Variants in ZNF532 observed in about 807,000 individuals in gnomAD.
ZNF532 encodes zinc finger protein 532.
In ZNF532, 22 loss-of-function variants were observed where a neutral mutation model predicts 89.3. The ratio of observed to expected loss-of-function variants is 0.25; its 90% confidence interval spans 0.18 to 0.35. The LOEUF (loss-of-function observed/expected upper bound fraction) is 0.35, where lower values mean the gene tolerates loss of function less well. Among genes scored for constraint, ZNF532 ranks in the 10% least tolerant of loss-of-function variants. ZNF532 has a pLI of 1.00. For synonymous variants in ZNF532, 606 were observed against 649.6 expected (o/e 0.93, Z 1.02); for missense variants, 1,132 against 1,643.4 (o/e 0.69, Z 5.38).
chr18:58,935,485 C>G (rs1459419792), intron 4 of ZNF532, among the ~76,000 whole-genome samples: 1 of 43,770 alleles, frequency 2.3e-5, no homozygotes, highest in African/African-American at 1.1e-4. Context: ...CTTCTCCCCC[C>G]TCTTCCCCCC....
At chr18:58,956,507 C>T (rs1280250361) in intron 7 of ZNF532, among the ~76,000 whole-genome samples, 1 of 152,158 alleles carries the variant, frequency 6.6e-6, no homozygotes, top group East Asian at 1.9e-4. Flanking sequence ...TCCAAACACC[C>T]CTCTACAAGC....
intron 3 of ZNF532, among the ~76,000 whole-genome samples, chr18:58,928,663 T>G (rs1002189572): frequency 1.1e-4 from 17 of 152,156 alleles, no homozygotes; most frequent in African/African-American, 4.1e-4. Context: ...CTTGTGGGGA[T>G]CACTACCTTC....
chr18:58,911,999 G>C (rs924670356), intron 2 of ZNF532, among the ~76,000 whole-genome samples: 2 of 152,146 alleles, frequency 1.3e-5, no homozygotes, highest in African/African-American at 4.8e-5. Flanking sequence ...CTTTCCCTTA[G>C]TTGCTCCTGA....
At chr18:58,877,326 G>A (rs975475596) in intron 2 of ZNF532, among the ~76,000 whole-genome samples, 7 of 152,172 alleles carry the variant, frequency 4.6e-5, no homozygotes, top group Non-Finnish European at 8.8e-5. Context: ...AGCTGTCCTG[G>A]GGAAGGTTGC....
rs548637678 is a variant in ZNF532 at position 58,961,992 on chromosome 18, G to A, written c.3150+8193G>A. ...GTAATCCCAGCACTTTTGGGAGTCC[G>A]AGGTGGATGTATCATTTGAGGTCAG... is the stretch of plus-strand genomic sequence containing the variant. On this transcript the variant is annotated intron_variant, in intron 7 of 9. Transcript: ENST00000591808. Among the ~76,000 whole-genome samples the A allele has an allele frequency of 2.7e-4, 41 of 152,160 alleles. No individual in the cohort carries two copies. In the South Asian group the frequency reaches 8.1e-3, roughly 30 times the overall value.
chr18:58,925,382 T>C (rs1448170614), intron 3 of ZNF532, among the ~76,000 whole-genome samples: 3 of 152,230 alleles, frequency 2.0e-5, no homozygotes, highest in Non-Finnish European at 4.4e-5. Flanking sequence ...TGAACACCTT[T>C]TCATGGGTTT....
intron 7 of ZNF532, among the ~76,000 whole-genome samples, chr18:58,967,148 G>A (rs1205236087): frequency 1.3e-5 from 2 of 152,324 alleles, no homozygotes; most frequent in East Asian, 3.9e-4. Flanking sequence ...GGATTTAGGG[G>A]CTGGTAGGCC....
intron 7 of ZNF532, among the ~76,000 whole-genome samples, chr18:58,970,052 T>G (rs1330604166): frequency 6.6e-6 from 1 of 151,854 alleles, no homozygotes; most frequent in African/African-American, 2.4e-5. Flanking sequence ...CCCGGCTAAT[T>G]TTTTTGTGTT....
chr18:58,984,379 T>C lies in ZNF532; in HGVS notation c.3819T>C (p.Phe1273=). Residue 1273 remains phenylalanine (F), a synonymous_variant, in exon 10 of 10, where the codon TTT becomes TTC. Coordinates refer to ENST00000591808, the MANE Select transcript of ZNF532 (RefSeq NM_001375912.1). ...AGTGCAAAGTGTGCGCAAAAACTTT[T>C]GAAACTGAAGCTGCCTTAAATACTC... is the stretch of plus-strand genomic sequence containing the variant. ...DRKCKVCAKT[F]ETEAALNTHM... is the part of the protein sequence containing the mutation. The C allele has an allele frequency of 6.2e-7, 1 of 1,611,982 alleles. No individual in the cohort carries two copies.
At chr18:58,894,903 G>C (rs2059148056) in intron 2 of ZNF532, among the ~76,000 whole-genome samples, 1 of 152,206 alleles carries the variant, frequency 6.6e-6, no homozygotes, top group Admixed American at 6.5e-5. Context: ...AAGGCAGGAG[G>C]ATCATGTGAG....
At chr18:58,965,826 T>C (rs73959546) in intron 7 of ZNF532, among the ~76,000 whole-genome samples, 6,003 of 152,306 alleles carry the variant, frequency 0.039, 386 homozygotes, top group African/African-American at 0.13. Context: ...GGGATGTATC[T>C]GGGGGCTGCA....
intron 3 of ZNF532, among the ~76,000 whole-genome samples, chr18:58,924,374 CTAGT>C (rs2061365743): frequency 6.6e-6 from 1 of 152,210 alleles, no homozygotes. Context: ...ACATTAGTGT[CTAGT>C]TAGTCTAGTC....
At chr18:58,889,823 G>A (rs1376873764) in intron 2 of ZNF532, among the ~76,000 whole-genome samples, 4 of 151,476 alleles carry the variant, frequency 2.6e-5, no homozygotes, top group Non-Finnish European at 4.4e-5. Context: ...GGTGGCTCAC[G>A]CCTGTAATCC....
intron 2 of ZNF532, among the ~76,000 whole-genome samples, chr18:58,908,152 C>T (rs1018986189): frequency 2.1e-4 from 32 of 152,182 alleles, no homozygotes; most frequent in African/African-American, 7.2e-4. Flanking sequence ...TTCCATATCC[C>T]TGGGGTTGAG....
intron 7 of ZNF532, among the ~76,000 whole-genome samples, chr18:58,975,833 G>A (rs1242587128): frequency 6.6e-6 from 1 of 152,188 alleles, no homozygotes; most frequent in Non-Finnish European, 1.5e-5. Flanking sequence ...TCAGAACTGA[G>A]TAGGAAGACA....
intron 7 of ZNF532, among the ~76,000 whole-genome samples, chr18:58,969,915 C>T (rs916547492): frequency 4.5e-5 from 5 of 110,382 alleles, no homozygotes; most frequent in East Asian, 6.0e-4. Context: ...GATGGAGTCT[C>T]GTTTTGTCGC....
chr18:58,948,592 G>C (rs1177639118), intron 6 of ZNF532, among the ~76,000 whole-genome samples: 1 of 138,902 alleles, frequency 7.2e-6, no homozygotes, highest in African/African-American at 2.7e-5. Flanking sequence ...TTTTGAGACA[G>C]AGTCTCCCTC....
rs145097261 is a variant in ZNF532, at chr18:58,890,280, A to G, written c.-18+24701A>G. On this transcript the variant is annotated intron_variant, in intron 2 of 9. Transcript: ENST00000591808. ...TATATATACACACACATACATATAT[A>G]TATATACACGTATATATATAACTCT... Among the ~76,000 whole-genome samples, 1,115 of 151,848 alleles carry G rather than the reference A, an allele frequency of 7.3e-3. 8 individuals are homozygous for G. The highest frequency in any genetic ancestry group is 0.025 in the African/African-American group (1,045 of 41,420).
At chr18:58,922,848 A>G (rs2061225273) in intron 3 of ZNF532, among the ~76,000 whole-genome samples, 1 of 152,158 alleles carries the variant, frequency 6.6e-6, no homozygotes, top group African/African-American at 2.4e-5. Context: ...TCTGAGAGCA[A>G]GGAAGGGCAT....
Sources: allele counts gnomAD v4.1 joint callset (sites outside exome capture counted in the v4.1 genomes callset), GRCh38; gene constraint gnomAD v4.1.1; transcripts MANE v1.5; gene names NCBI Gene and HGNC (gene_info 2026-07-23, HGNC 2026-07-21).